Variants in MICALL2 observed in about 807,000 individuals in gnomAD.
MICALL2 encodes MICAL-like protein 2.
In MICALL2, 111 loss-of-function variants were observed where a neutral mutation model predicts 91.1. The ratio of observed to expected loss-of-function variants is 1.22; its 90% CI spans 1.04 to 1.43. MICALL2 has a LOEUF of 1.43. MICALL2 is among the 40% of genes most tolerant of loss of function. The probability of loss-of-function intolerance (pLI) is 0.00; values close to 1 mark genes in which losing one functional copy is unlikely to be tolerated. For missense variants in MICALL2, 1,556 were observed against 1,236.0 expected, an observed-to-expected ratio of 1.26 and a Z score of -3.88; for synonymous variants, 694 against 525.3, an observed-to-expected ratio of 1.32 and a Z score of -4.39.
chr7:1,436,832 C>A lies in MICALL2; in HGVS notation c.2501G>T (p.Arg834Leu). Residue 834 changes from arginine to leucine, a missense_variant, in exon 15 of 17, where the codon CGG (arginine) becomes CTG (leucine). Arg to Leu is a moderately radical substitution (Grantham distance 102). Coordinates refer to ENST00000297508, the MANE Select transcript of MICALL2 (RefSeq NM_182924.4). ...KPEALKSLQERRREQELLEQY... is the reference protein window; with the variant it reads ...KPEALKSLQELRREQELLEQY... ...CTCCAGCAGCTCCTGCTCCCGCCGCCGCTCCTGCAGTGACTTCAGAGCCTC... is the reference window on the plus strand; with the variant it reads ...CTCCAGCAGCTCCTGCTCCCGCCGCAGCTCCTGCAGTGACTTCAGAGCCTC... The A allele has an allele frequency of 6.2e-7, 1 of 1,603,880 alleles. No homozygotes were observed. The highest frequency in any genetic ancestry group is 8.5e-7 in the Non-Finnish European group (1 of 1,176,838).
chr7:1,440,358 G>A (rs1231518278), intron 8 of MICALL2: 1 of 620,304 alleles, frequency 1.6e-6, no homozygotes, highest in Non-Finnish European at 2.8e-6. Flanking sequence ...CTGCAGGCAT[G>A]GTGCGTGAAC....
At chr7:1,458,802 A>C (rs557073450) in intron 1 of MICALL2, among the ~76,000 whole-genome samples, 1 of 152,342 alleles carries the variant, frequency 6.6e-6, no homozygotes, top group African/African-American at 2.4e-5. Context: ...GTCAGTGCCC[A>C]TACGAGGGCT....
At chr7:1,434,762 C>T in intron 16 of MICALL2, 90 bp from the exon 17 acceptor site, 1 of 1,340,216 alleles carries the variant, frequency 7.5e-7, no homozygotes, top group Non-Finnish European at 1.0e-6. Flanking sequence ...AACATCCTTC[C>T]CTTCCACTGG....
intron 16 of MICALL2, 117 bp downstream of exon 16, chr7:1,434,984 C>CGGGGGGGGGGGGGGG: frequency 2.2e-6 from 1 of 449,088 alleles, no homozygotes; most frequent in East Asian, 4.0e-5. Context: ...ACCCGATACC[C>CGGGGGGGGGGGGGGG]GCCCCCCCCC....
chr7:1,437,335 G>A, intron 14 of MICALL2, 200 bp downstream of exon 14: 2 of 506,220 alleles, frequency 4.0e-6, no homozygotes, highest in Non-Finnish European at 3.5e-6. Flanking sequence ...TGAAACCCAA[G>A]CACAGCAAGG....
rs1252297230 is a variant in MICALL2, at chr7:1,437,562, C to T, written c.2449G>A (p.Glu817Lys). The T allele has an allele frequency of 1.2e-5, 18 of 1,533,228 alleles. No homozygotes were observed. The highest frequency in any genetic ancestry group is 4.0e-5 in the Admixed American group (2 of 49,406). The allele number at this position is 1,533,228 out of a possible 1,614,324, so 95.0% of individuals were successfully genotyped here. A position where few individuals can be genotyped will look rare whatever the true frequency, so the allele number is the denominator to read the frequency against. The change falls in exon 14 of 17, where the codon GAG becomes AAG. Residue 817 changes from glutamate to lysine, a missense_variant. By Grantham distance (56) the Glu-to-Lys change is moderately conservative. Transcript: ENST00000297508. ...GGCTTGGCCATGAGCCGGCGCAGCT[C>T]GCCCTCGATGTCCAGCTGCTGCTCC... is the stretch of plus-strand genomic sequence containing the variant. ...LEEQQLDIEG[E>K]LRRLMAKPEA...
intron 7 of MICALL2, chr7:1,441,804 G>A (rs535353112): frequency 7.6e-4 from 194 of 255,212 alleles, no homozygotes; most frequent in Middle Eastern, 1.3e-3. Context: ...TTGTCAAAGC[G>A]ACAGGCAGGA....
Position 1,450,332 on chromosome 7 carries a change from G to A in MICALL2, c.144-44C>T, listed in dbSNP as rs759539675. The A allele has an allele frequency of 1.0e-5, 16 of 1,556,712 alleles. 1 individual carries two copies. The highest frequency in any genetic ancestry group is 4.5e-5 in the East Asian group (2 of 44,582). Reference sequence around the variant, plus strand: ...ATGTCCAAAGCAGCTCAGAGTCCACGAAGGGAGGGGCTGGAGGGCCTCAGA... The same window carrying A: ...ATGTCCAAAGCAGCTCAGAGTCCACAAAGGGAGGGGCTGGAGGGCCTCAGA... On this transcript the variant is annotated intron_variant, in intron 1 of 16. Coordinates refer to ENST00000297508, the MANE Select transcript of MICALL2 (RefSeq NM_182924.4).
chr7:1,436,608 G>A (rs1036152391), intron 15 of MICALL2, 134 bp downstream of exon 15: 20 of 483,852 alleles, frequency 4.1e-5, no homozygotes, highest in Non-Finnish European at 6.3e-5. Context: ...GTGGCCCCTG[G>A]CTACTGTACC....
chr7:1,440,488 T>C, intron 8 of MICALL2, 103 bp downstream of exon 8: 1 of 1,022,994 alleles, frequency 9.8e-7, no homozygotes, highest in Non-Finnish European at 1.5e-6. Context: ...GGGAGGTGCG[T>C]CTATCCCTGG....
chr7:1,438,928 GT>G lies in MICALL2; in HGVS notation c.2033del (p.Asn678ThrfsTer47). The G allele has an allele frequency of 6.2e-7, 1 of 1,608,002 alleles. No individual in the cohort carries two copies. Among genetic ancestry groups the G allele is most frequent in the Non-Finnish European group, 8.5e-7 (1 of 1,179,564 alleles). ...AVPASLDVCDNWLRPEPPGQE... is the reference protein window; with the variant it reads ...AVPASLDVCDXWLRPEPPGQE... ...GGCCAGGGGGCTCCGGCCGAAGCCA[GT>G]TGTCACAAACGTCGAGGCTGGCAGG... On this transcript the variant is annotated frameshift_variant, in exon 10 of 17. Transcript: ENST00000297508. LOFTEE classifies it high-confidence loss of function.
Position 1,438,142 on chromosome 7 carries a change from G to C in MICALL2, c.2266C>G (p.Leu756Val). 6.4e-7 allele frequency: 1 copy of C among 1,561,800 alleles called. No individual in the cohort carries two copies. Among genetic ancestry groups the C allele is most frequent in the Non-Finnish European group, 8.7e-7 (1 of 1,153,588 alleles). ...DIERRLDALELRGVELEKRLR... is the reference protein window; with the variant it reads ...DIERRLDALEVRGVELEKRLR... ...CGCTTCTCCAGCTCCACGCCGCGGA[G>C]CTCCAGGGCGTCCAGCCGCCTCTCG... is the stretch of plus-strand genomic sequence containing the variant. The change falls in exon 12 of 17, where the codon CTC becomes GTC. Residue 756 changes from leucine (L) to valine (V), a missense_variant. Leu to Val is a conservative substitution (Grantham distance 32). Transcript: ENST00000297508.
At position 1,440,525 on chromosome 7, in the gene MICALL2, TACTC is replaced by T. The variant is rs1780231097; in HGVS notation, c.1805+62_1805+65del. ...TAGGCGTGTCAATCGGTCGATTACA[TACTC>T]ACTGCATTTATTAAGCACCTATGGT... is the stretch of plus-strand genomic sequence containing the variant. On this transcript the variant is annotated intron_variant, in intron 8 of 16. Coordinates refer to ENST00000297508, the MANE Select transcript of MICALL2 (RefSeq NM_182924.4). The T allele has an allele frequency of 4.3e-6, 6 of 1,382,644 alleles. No homozygotes were observed. The Admixed American group carries it at 1.0e-4, about 23-fold the overall frequency. The allele number at this position is 1,382,644 out of a possible 1,614,324, so 85.6% of individuals were successfully genotyped here.
rs1780829052 is a variant in MICALL2, at chr7:1,451,548, C to T, written c.144-1260G>A. ...CGTGACCCGTCTGTCCACGTTGCTG[C>T]CTGTGGGGTCCCGGACAGCAGCTGC... On this transcript the variant is annotated intron_variant, in intron 1 of 16. Coordinates refer to ENST00000297508, the MANE Select transcript of MICALL2 (RefSeq NM_182924.4). The surrounding 1 kb of genome is among the most constrained non-coding windows in gnomAD (Gnocchi z 4.5). Among the ~76,000 whole-genome samples, 1 of 152,218 alleles carries T rather than the reference C, an allele frequency of 6.6e-6. No homozygotes were observed. Among genetic ancestry groups the T allele is most frequent in the Non-Finnish European group, 1.5e-5 (1 of 68,034 alleles).
chr7:1,437,010 T>A, intron 14 of MICALL2, 154 bp from the exon 15 acceptor site: 1 of 542,970 alleles, frequency 1.8e-6, no homozygotes, highest in Non-Finnish European at 3.2e-6. Flanking sequence ...AGTGAATAAG[T>A]GAATGAAGGA....
At chr7:1,438,570 G>A (rs12702733) in intron 10 of MICALL2, 63,894 of 1,423,464 alleles carry the variant, frequency 0.045, 1,677 homozygotes, top group Middle Eastern at 0.071. Flanking sequence ...CCTCCTCCAG[G>A]TCAGCAACAC....
At chr7:1,435,216 A>G (rs369988981) in intron 15 of MICALL2, 69 bp from the exon 16 acceptor site, 62 of 1,523,988 alleles carry the variant, frequency 4.1e-5, no homozygotes, top group Non-Finnish European at 5.5e-5. Context: ...GCCTCCGGAC[A>G]GTCTCCAGCA....
At chr7:1,458,670 G>C (rs1781104663) in intron 1 of MICALL2, among the ~76,000 whole-genome samples, 2 of 152,224 alleles carry the variant, frequency 1.3e-5, no homozygotes, top group African/African-American at 4.8e-5. Flanking sequence ...CTATCACCCG[G>C]GGCCTCAGAG....
At chr7:1,449,658 G>A (rs972521184) in intron 2 of MICALL2, among the ~76,000 whole-genome samples, 4 of 152,410 alleles carry the variant, frequency 2.6e-5, no homozygotes, top group South Asian at 2.1e-4. Flanking sequence ...CGGGGGCAGG[G>A]ACGTGGCCGG....
Sources: allele counts gnomAD v4.1 joint callset (sites outside exome capture counted in the v4.1 genomes callset), GRCh38; gene constraint gnomAD v4.1.1; non-coding constraint Gnocchi (gnomAD v3.1); transcripts MANE v1.5; gene names NCBI Gene and HGNC (gene_info 2026-07-23, HGNC 2026-07-21).